SYT1: variants seen among roughly 807,000 people sequenced by gnomAD.
SYT1 encodes the protein synaptotagmin 1, also known as synaptotagmin-1.
In SYT1, 8 loss-of-function variants were observed where a neutral mutation model predicts 44.8. The ratio of observed to expected loss-of-function variants is 0.18; its 90% CI spans 0.10 to 0.32. The LOEUF (loss-of-function observed/expected upper bound fraction) is 0.32. SYT1 is among the 10% of genes least tolerant of loss of function. The pLI is 1.00. For missense variants in SYT1, 286 were observed against 509.3 expected (o/e 0.56, Z 4.22); for synonymous variants, 154 against 188.8 (o/e 0.82, Z 1.51).
At chr12:78,971,725 T>G (rs1201358588) in intron 1 of SYT1, among the ~76,000 whole-genome samples, 2 of 152,158 alleles carry the variant, frequency 1.3e-5, no homozygotes, top group African/African-American at 4.8e-5. Context: ...TTATGATGGC[T>G]TGACTTGGAC....
chr12:79,270,754 A>G (rs1029471831), intron 4 of SYT1, among the ~76,000 whole-genome samples: 2 of 152,212 alleles, frequency 1.3e-5, no homozygotes, highest in Admixed American at 6.5e-5. Flanking sequence ...AATGAGGATG[A>G]AGAGAATCAG....
At chr12:79,187,642 G>A (rs752340260) in intron 3 of SYT1, among the ~76,000 whole-genome samples, 8 of 152,034 alleles carry the variant, frequency 5.3e-5, no homozygotes, top group African/African-American at 9.7e-5. Flanking sequence ...GATAGCAGAC[G>A]AGGCTTCATA....
intron 1 of SYT1, among the ~76,000 whole-genome samples, chr12:78,973,125 A>AT (rs1018633944): frequency 3.3e-5 from 5 of 152,046 alleles, no homozygotes; most frequent in Non-Finnish European, 7.4e-5. Context: ...TTTTAAATTT[A>AT]TTTTTTAATT....
At chr12:79,367,475 T>C (rs577941539) in intron 9 of SYT1, among the ~76,000 whole-genome samples, 51 of 152,274 alleles carry the variant, frequency 3.3e-4, no homozygotes, top group African/African-American at 1.2e-3. Flanking sequence ...GCTACATAAT[T>C]GAGTGGTCAA....
At chr12:79,046,858 TA>T (rs2137765250) in intron 2 of SYT1, among the ~76,000 whole-genome samples, 1 of 152,054 alleles carries the variant, frequency 6.6e-6, no homozygotes, top group South Asian at 2.1e-4. Flanking sequence ...GTGAAAAATA[TA>T]AAACTTAAAA....
At chr12:79,429,298 C>T (rs574292612) in intron 9 of SYT1, among the ~76,000 whole-genome samples, 353 of 152,064 alleles carry the variant, frequency 2.3e-3, no homozygotes, top group African/African-American at 7.6e-3. Context: ...CCTCCACCTC[C>T]TAGGTTCAAG....
At chr12:79,139,020 T>C (rs1036176619) in intron 3 of SYT1, among the ~76,000 whole-genome samples, 2 of 152,202 alleles carry the variant, frequency 1.3e-5, no homozygotes, top group African/African-American at 4.8e-5. Context: ...GACTGGCATT[T>C]CCTTCGCCTC....
chr12:79,395,589 G>A (rs536770070), intron 9 of SYT1, among the ~76,000 whole-genome samples: 2 of 152,154 alleles, frequency 1.3e-5, no homozygotes, highest in Admixed American at 6.6e-5. Context: ...ATCTCACTAT[G>A]TTGCTCAGGC....
intron 8 of SYT1, among the ~76,000 whole-genome samples, chr12:79,334,998 A>G (rs1162148181): frequency 1.3e-5 from 2 of 152,104 alleles, no homozygotes; most frequent in African/African-American, 2.4e-5. Context: ...TCCTTCTCCC[A>G]CAATTCATTC....
rs147919742 is a variant in SYT1 at position 79,012,304 on chromosome 12, G to A, written c.-84+34373G>A. Among the ~76,000 whole-genome samples the A allele has an allele frequency of 4.5e-3, 686 of 152,190 alleles. 5 individuals are homozygous for A. The highest frequency in any genetic ancestry group is 0.015 in the African/African-American group (637 of 41,516). The stretch of plus-strand genomic sequence containing the variant: ...TAGACAGACCACACATGGTAACTGA[G>A]AACTCTGAAGTTTCACCACCATATT... On this transcript the variant is annotated intron_variant, in intron 2 of 10. Transcript: ENST00000261205.
chr12:79,061,296 A>G (rs191185430), intron 3 of SYT1, among the ~76,000 whole-genome samples: 1 of 152,112 alleles, frequency 6.6e-6, no homozygotes, highest in Admixed American at 6.6e-5. Flanking sequence ...GCTGGCATTT[A>G]TCAATGCCAG....
intron 3 of SYT1, among the ~76,000 whole-genome samples, chr12:79,074,276 C>T (rs987699602): frequency 4.6e-5 from 7 of 152,146 alleles, no homozygotes; most frequent in African/African-American, 1.7e-4. Flanking sequence ...CTCACTCCTG[C>T]AGCCCTCATC....
intron 3 of SYT1, among the ~76,000 whole-genome samples, chr12:79,134,985 C>CCATACACACACACA (rs370134370): frequency 8.8e-5 from 13 of 147,886 alleles, no homozygotes; most frequent in African/African-American, 3.2e-4. Flanking sequence ...AATGTTCTCA[C>CCATACACACACACA]CACACACACA....
intron 3 of SYT1, among the ~76,000 whole-genome samples, chr12:79,173,661 T>A (rs1470505687): frequency 2.0e-5 from 3 of 152,048 alleles, no homozygotes; most frequent in Non-Finnish European, 4.4e-5. Flanking sequence ...AAAAGAGGAA[T>A]ACAAATTAAA....
chr12:78,987,210 C>T (rs906521978), intron 2 of SYT1, among the ~76,000 whole-genome samples: 1 of 152,042 alleles, frequency 6.6e-6, no homozygotes, highest in Non-Finnish European at 1.5e-5. Context: ...TGAGGAGGCA[C>T]CCTTTCTAAG....
At chr12:79,321,730 A>C (rs2138980024) in intron 8 of SYT1, among the ~76,000 whole-genome samples, 1 of 152,346 alleles carries the variant, frequency 6.6e-6, no homozygotes, top group Non-Finnish European at 1.5e-5. Context: ...ATCAGGGGAT[A>C]CATTCATGGA....
chr12:79,098,760 C>A (rs146518813), intron 3 of SYT1, among the ~76,000 whole-genome samples: 36 of 152,164 alleles, frequency 2.4e-4, no homozygotes, highest in African/African-American at 7.9e-4. Flanking sequence ...CCTATCAGGA[C>A]CTTTGAGGAA....
chr12:79,179,215 GATAT>G (rs1354757266), intron 3 of SYT1, among the ~76,000 whole-genome samples: 1 of 49,260 alleles, frequency 2.0e-5, no homozygotes, highest in Admixed American at 2.3e-4. Context: ...TATAGATATA[GATAT>G]ATAGATATAG....
In SYT1 at chr12:79,031,530, G is replaced by C. The variant is rs200589984; in HGVS notation, c.-83-15767G>C. ...CAGGGGAATTTTATATTTATGGCTT[G>C]AATATCCCTAAATCACCAAATCCAT... On this transcript the variant is annotated intron_variant, in intron 2 of 10. Transcript: ENST00000261205. 2.6e-5 allele frequency among the ~76,000 whole-genome samples: 4 copies of C among 151,058 alleles called. No individual in the cohort carries two copies. In the South Asian group the frequency reaches 8.3e-4, roughly 31 times the overall value.
Sources: allele counts gnomAD v4.1 joint callset (sites outside exome capture counted in the v4.1 genomes callset), GRCh38; gene constraint gnomAD v4.1.1; transcripts MANE v1.5; gene names NCBI Gene and HGNC (gene_info 2026-07-23, HGNC 2026-07-21).